The following CABLES1 variants were observed in gnomAD, a reference collection of about 807,000 sequenced individuals.
CABLES1 encodes the protein Cdk5 and Abl enzyme substrate 1.
CABLES1 carries 36 observed loss-of-function variants against 57.8 expected under a neutral mutation model. That is an observed-to-expected ratio of 0.62 (90% CI 0.48 to 0.82). CABLES1 has a LOEUF of 0.82. Among genes scored for constraint, CABLES1 ranks in the 40% least tolerant of loss-of-function variants. The pLI is 0.00. For synonymous variants in CABLES1, 374 were observed against 363.0 expected (o/e 1.03, Z -0.35); for missense variants, 767 against 836.6 (o/e 0.92, Z 1.03).
At chr18:23,257,069 A>G in intron 9 of CABLES1, 158 bp from the exon 10 acceptor site, 1 of 759,386 alleles carries the variant, frequency 1.3e-6, no homozygotes, top group Non-Finnish European at 2.1e-6. Flanking sequence ...GAAGGCAGGA[A>G]GCACAGCCTG....
chr18:23,228,971 T>C (rs2047547879), intron 4 of CABLES1, among the ~76,000 whole-genome samples: 1 of 152,140 alleles, frequency 6.6e-6, no homozygotes, highest in Admixed American at 6.6e-5. Flanking sequence ...TCTGTAGAAA[T>C]GAGATCACTT....
chr18:23,210,082 G>A (rs2047394022), intron 3 of CABLES1, among the ~76,000 whole-genome samples: 1 of 152,172 alleles, frequency 6.6e-6, no homozygotes. Flanking sequence ...AGGATCCCTG[G>A]AAGTTTCAGG....
intron 4 of CABLES1, 111 bp from the exon 5 acceptor site, chr18:23,234,497 C>A: frequency 1.2e-6 from 1 of 805,180 alleles, no homozygotes. Context: ...CACCAGGGCT[C>A]ACCTGGTCAT....
rs897919328 is a variant in CABLES1, at chr18:23,257,483, G to A, written c.*116G>A. 37 of 1,197,822 alleles carry A rather than the reference G, an allele frequency of 3.1e-5. No homozygotes were observed. The highest frequency in any genetic ancestry group is 5.3e-5 in the East Asian group (2 of 37,458). The allele number at this position is 1,197,822 out of a possible 1,614,324, so 74.2% of individuals were successfully genotyped here. A position where few individuals can be genotyped will look rare whatever the true frequency, so the allele number is the denominator to read the frequency against. ...AGAATACCAGACTTTTCTTCCTCTC[G>A]ACATAGTTTGGGGAGAAGCAGTACT... On this transcript the variant is annotated 3_prime_UTR_variant, in exon 10 of 10. Coordinates refer to ENST00000256925, the MANE Select transcript of CABLES1 (RefSeq NM_001100619.3).
At chr18:23,212,986 G>A (rs889093769) in intron 3 of CABLES1, among the ~76,000 whole-genome samples, 15 of 152,106 alleles carry the variant, frequency 9.9e-5, no homozygotes, top group Admixed American at 3.9e-4. Flanking sequence ...CGGGTAGAAC[G>A]GTAAAATCAG....
At position 23,257,609 on chromosome 18, in the gene CABLES1, C is replaced by A. The variant is rs2048199272; in HGVS notation, c.*242C>A. 1 of 417,666 alleles carries A rather than the reference C, an allele frequency of 2.4e-6. No homozygotes were observed. The highest frequency in any genetic ancestry group is 4.4e-5 in the Admixed American group (1 of 22,868). The allele number at this position is 417,666 out of a possible 1,614,324, so 25.9% of individuals were successfully genotyped here. Reference sequence around the variant, plus strand: ...GAGGTGTGTGCTGAGAACAGAGAGGCCCTGCCCTCTGTCCACTAGCGAGAA... The same window carrying A: ...GAGGTGTGTGCTGAGAACAGAGAGGACCTGCCCTCTGTCCACTAGCGAGAA... On this transcript the variant is annotated 3_prime_UTR_variant, in exon 10 of 10. Transcript: ENST00000256925.
At chr18:23,185,800 C>G (rs1304256581) in intron 1 of CABLES1, among the ~76,000 whole-genome samples, 1 of 152,232 alleles carries the variant, frequency 6.6e-6, no homozygotes, top group African/African-American at 2.4e-5. Context: ...ACATTTATTT[C>G]TGCCTGTGGA....
intron 1 of CABLES1, among the ~76,000 whole-genome samples, chr18:23,161,042 A>C (rs2047000359): frequency 6.6e-6 from 1 of 151,818 alleles, no homozygotes; most frequent in Non-Finnish European, 1.5e-5. Context: ...CAAAAAAAAG[A>C]GAGAAGAAAA....
chr18:23,184,424 CG>C (rs2047188506), intron 1 of CABLES1, among the ~76,000 whole-genome samples: 1 of 152,006 alleles, frequency 6.6e-6, no homozygotes. Context: ...TTTTCTCGGC[CG>C]GGCATGGTAG....
At chr18:23,205,181 C>CT (rs34690271) in intron 3 of CABLES1, among the ~76,000 whole-genome samples, 32,676 of 81,328 alleles carry the variant, frequency 0.4, 7,814 homozygotes, top group East Asian at 0.65. Context: ...TCATTCCTGA[C>CT]TTTTTTTTTT....
chr18:23,153,747 T>C (rs1303479090), intron 1 of CABLES1, among the ~76,000 whole-genome samples: 1 of 147,802 alleles, frequency 6.8e-6, no homozygotes, highest in Non-Finnish European at 1.5e-5. Context: ...AAACAAAAAA[T>C]AGGCCAGGCA....
intron 7 of CABLES1, among the ~76,000 whole-genome samples, chr18:23,246,021 AC>A (rs1325913298): frequency 2.0e-5 from 3 of 152,162 alleles, no homozygotes; most frequent in African/African-American, 4.8e-5. Flanking sequence ...TAATCCCAGC[AC>A]TTTGAGAGGC....
At chr18:23,151,589 C>A (rs1000432730) in intron 1 of CABLES1, among the ~76,000 whole-genome samples, 2 of 152,142 alleles carry the variant, frequency 1.3e-5, no homozygotes, top group African/African-American at 4.8e-5. Context: ...AATCCACCGA[C>A]AGATGGAAGA....
chr18:23,243,708 T>C (rs1054022325), intron 7 of CABLES1, among the ~76,000 whole-genome samples: 3 of 151,748 alleles, frequency 2.0e-5, no homozygotes, highest in African/African-American at 7.3e-5. Flanking sequence ...CCGTCTCTAC[T>C]AAAAAATACA....
intron 1 of CABLES1, among the ~76,000 whole-genome samples, chr18:23,144,138 G>A (rs574924422): frequency 2.0e-5 from 3 of 152,190 alleles, no homozygotes; most frequent in Admixed American, 6.5e-5. Flanking sequence ...CCCCATGCTC[G>A]TACACGCTCC....
intron 1 of CABLES1, among the ~76,000 whole-genome samples, chr18:23,163,777 G>A (rs757654603): frequency 6.6e-6 from 1 of 152,182 alleles, no homozygotes; most frequent in Non-Finnish European, 1.5e-5. Context: ...TTATTTAGTG[G>A]AGGGAGTTCC....
At chr18:23,160,118 A>C (rs1455403839) in intron 1 of CABLES1, among the ~76,000 whole-genome samples, 4 of 150,934 alleles carry the variant, frequency 2.7e-5, no homozygotes, top group Non-Finnish European at 4.4e-5. Flanking sequence ...ACTCACTGCA[A>C]CCTCCGCCTC....
At chr18:23,158,548 G>A (rs1231641314) in intron 1 of CABLES1, among the ~76,000 whole-genome samples, 2 of 152,200 alleles carry the variant, frequency 1.3e-5, no homozygotes, top group African/African-American at 4.8e-5. Flanking sequence ...AAGGGATTTT[G>A]TAATTTTCCA....
chr18:23,189,691 C>T (rs1055895481), intron 2 of CABLES1, among the ~76,000 whole-genome samples: 3 of 152,230 alleles, frequency 2.0e-5, no homozygotes, highest in Non-Finnish European at 2.9e-5. Flanking sequence ...TCCATCAGCT[C>T]CTCCTCGAAC....
Sources: gnomAD v4.1 joint callset for allele counts (sites outside exome capture counted in the v4.1 genomes callset) on GRCh38, gnomAD v4.1.1 for gene constraint, MANE v1.5 for transcripts, NCBI Gene and HGNC (gene_info 2026-07-23, HGNC 2026-07-21) for gene names.